Variants in TSPAN11 observed in about 807,000 individuals in gnomAD.
TSPAN11 encodes tetraspanin-11.
TSPAN11 carries 29 observed loss-of-function variants against 32.9 expected under a neutral mutation model. The ratio of observed to expected loss-of-function variants is 0.88; its 90% CI spans 0.66 to 1.20. The LOEUF (loss-of-function observed/expected upper bound fraction) is 1.20, where lower values mean the gene tolerates loss of function less well. Ranked by LOEUF, TSPAN11 falls within the 50% of genes most tolerant of loss-of-function variation. The pLI is 0.00. For missense variants in TSPAN11, 283 were observed against 329.1 expected (o/e 0.86, Z 1.08); for synonymous variants, 140 against 141.3 (o/e 0.99, Z 0.07).
the TSPAN11 span, among the ~76,000 whole-genome samples, chr12:31,008,117 T>C: frequency 2.8e-4 from 3 of 10,564 alleles, no homozygotes; most frequent in African/African-American, 3.7e-4. Context: ...TTTTCTTTTT[T>C]TTTTTTTTTT....
chr12:30,987,347 G>C (rs1300872096), intron 7 of TSPAN11, among the ~76,000 whole-genome samples: 1 of 152,168 alleles, frequency 6.6e-6, no homozygotes, highest in African/African-American at 2.4e-5. Flanking sequence ...ACTACCCCAG[G>C]CCTGTAATCC....
chr12:30,966,588 C>T (rs1005428786), intron 3 of TSPAN11, among the ~76,000 whole-genome samples: 1 of 152,150 alleles, frequency 6.6e-6, no homozygotes, highest in Non-Finnish European at 1.5e-5. Context: ...CTGGACTGTG[C>T]GTTGCTGTCT....
intron 2 of TSPAN11, among the ~76,000 whole-genome samples, chr12:30,956,794 G>C (rs1031371788): frequency 2.0e-5 from 3 of 152,182 alleles, no homozygotes; most frequent in Non-Finnish European, 4.4e-5. Flanking sequence ...TTATTCAGCT[G>C]CTTGGCTGTG....
chr12:30,991,329 C>G (rs536812907), intron 7 of TSPAN11, among the ~76,000 whole-genome samples: 4 of 152,132 alleles, frequency 2.6e-5, no homozygotes, highest in African/African-American at 4.8e-5. Context: ...GCCAGAGCAT[C>G]GAAGATGGAC....
rs1389911336 is a variant in TSPAN11, at chr12:30,992,814, A to C, written c.*899A>C. 4 of 152,266 alleles carry C rather than the reference A, an allele frequency of 2.6e-5. No individual in the cohort carries two copies. Among genetic ancestry groups the C allele is most frequent in the African/African-American group, 9.7e-5 (4 of 41,448 alleles). The allele number at this position is 152,266 out of a possible 1,614,324, so 9.4% of individuals were successfully genotyped here. A position where few individuals can be genotyped will look rare whatever the true frequency, so the allele number is the denominator to read the frequency against. On this transcript the variant is annotated 3_prime_UTR_variant, in exon 8 of 8. Transcript: ENST00000546076. ...CAACCCTGCAAAGTCGGAGCTGCTG[A>C]GAAGGGGCAGCTCTGAATAGAGGGG...
intron 2 of TSPAN11, 153 bp downstream of exon 2, chr12:30,954,228 A>G (rs557725921): frequency 1.4e-4 from 89 of 655,722 alleles, no homozygotes; most frequent in Admixed American, 7.1e-4. Flanking sequence ...TAAAGCAAAT[A>G]TGTACATTTG....
chr12:31,001,056 CCT>C (rs1939473350), downstream of TSPAN11, among the ~76,000 whole-genome samples: 1 of 152,208 alleles, frequency 6.6e-6, no homozygotes, highest in African/African-American at 2.4e-5. Context: ...TGCAGCCTCC[CCT>C]GTCCCTCTGA....
chr12:30,958,084 A>G (rs1318608671), intron 2 of TSPAN11, among the ~76,000 whole-genome samples: 1 of 151,990 alleles, frequency 6.6e-6, no homozygotes, highest in Non-Finnish European at 1.5e-5. Context: ...GGACAGCTCC[A>G]AGGAAGGTTT....
At chr12:30,980,999 A>G (rs1412711909) in intron 5 of TSPAN11, among the ~76,000 whole-genome samples, 2 of 152,202 alleles carry the variant, frequency 1.3e-5, no homozygotes, top group South Asian at 2.1e-4. Flanking sequence ...CCCTCAGAAG[A>G]GAGAGCAGCG....
intron 7 of TSPAN11, among the ~76,000 whole-genome samples, chr12:30,991,095 C>T (rs1309202663): frequency 1.3e-5 from 2 of 152,144 alleles, no homozygotes; most frequent in Non-Finnish European, 2.9e-5. Flanking sequence ...GGTGATCCTC[C>T]CAGGCCTGTG....
intron 5 of TSPAN11, among the ~76,000 whole-genome samples, chr12:30,981,902 C>G (rs1939100308): frequency 6.6e-6 from 1 of 152,216 alleles, no homozygotes. Context: ...AGTGCCGCAA[C>G]TGGGAAAGGC....
At chr12:30,942,978 C>T (rs1938197534) in intron 1 of TSPAN11, among the ~76,000 whole-genome samples, 2 of 152,210 alleles carry the variant, frequency 1.3e-5, no homozygotes, top group African/African-American at 4.8e-5. Context: ...CCAGCCTGTG[C>T]CTCACTGTGC....
chr12:31,009,282 C>G, the TSPAN11 span, among the ~76,000 whole-genome samples: 118,486 of 152,188 alleles, frequency 0.78, 47,643 homozygotes, highest in Non-Finnish European at 0.87. Flanking sequence ...AGCCCCACCT[C>G]CTCCTCCAGG....
intron 5 of TSPAN11, among the ~76,000 whole-genome samples, chr12:30,980,398 C>T (rs1388474410): frequency 6.6e-6 from 1 of 152,198 alleles, no homozygotes; most frequent in African/African-American, 2.4e-5. Context: ...GTCTAGTGAG[C>T]TCTGATCAGA....
At chr12:30,989,897 G>T (rs188703629) in intron 7 of TSPAN11, among the ~76,000 whole-genome samples, 135 of 152,308 alleles carry the variant, frequency 8.9e-4, no homozygotes, top group Admixed American at 2.9e-3. Context: ...ACAGGCAGCT[G>T]CCAGAAGATA....
intron 1 of TSPAN11, among the ~76,000 whole-genome samples, chr12:30,949,054 G>A (rs945551171): frequency 6.6e-6 from 1 of 152,172 alleles, no homozygotes; most frequent in Admixed American, 6.5e-5. Flanking sequence ...ACATACAAGA[G>A]TCACCTTTGC....
intron 7 of TSPAN11, among the ~76,000 whole-genome samples, chr12:30,985,724 G>A (rs1042097893): frequency 2.6e-5 from 4 of 152,196 alleles, no homozygotes; most frequent in Non-Finnish European, 5.9e-5. Context: ...AGCTGCAGAC[G>A]AGGGCAGTGA....
At chr12:30,996,661 T>C (rs1422470826), downstream of TSPAN11, 1 of 152,180 alleles carries the variant, frequency 6.6e-6, no homozygotes, top group Non-Finnish European at 1.5e-5. Context: ...GTTCATTAAA[T>C]GTACCATGAC....
intron 1 of TSPAN11, among the ~76,000 whole-genome samples, chr12:30,953,640 A>T (rs535139133): frequency 6.6e-6 from 1 of 152,336 alleles, no homozygotes; most frequent in African/African-American, 2.4e-5. Context: ...TGCGTGTAGG[A>T]CAGGTAAACT....
Sources: allele counts gnomAD v4.1 joint callset (sites outside exome capture counted in the v4.1 genomes callset), GRCh38; gene constraint gnomAD v4.1.1; transcripts MANE v1.5; gene names NCBI Gene and HGNC (gene_info 2026-07-23, HGNC 2026-07-21).